The following PPARGC1A variants were observed in gnomAD, a reference collection of about 807,000 sequenced individuals.
PPARGC1A encodes the protein peroxisome proliferator-activated receptor gamma coactivator 1-alpha.
In PPARGC1A, 25 loss-of-function variants were observed where a neutral mutation model predicts 88.7. The observed-to-expected ratio is 0.28, with a 90% CI of 0.21 to 0.39. The LOEUF is 0.39. PPARGC1A is among the 10% of genes least tolerant of loss of function. The pLI is 1.00. For synonymous variants in PPARGC1A, 363 were observed against 355.6 expected, an observed-to-expected ratio of 1.02 and a Z score of -0.24; for missense variants, 880 against 968.7, an observed-to-expected ratio of 0.91 and a Z score of 1.22.
At chr4:24,147,455 C>T in the PPARGC1A span, among the ~76,000 whole-genome samples, 4 of 152,152 alleles carry the variant, frequency 2.6e-5, no homozygotes, top group Non-Finnish European at 5.9e-5. Context: ...CTTTCCCACT[C>T]GGCTGTACCG....
the PPARGC1A span, among the ~76,000 whole-genome samples, chr4:23,929,983 T>C: frequency 6.6e-6 from 1 of 152,158 alleles, no homozygotes; most frequent in Non-Finnish European, 1.5e-5. Flanking sequence ...CCTCAAAACA[T>C]GGCTGATATT....
the PPARGC1A span, among the ~76,000 whole-genome samples, chr4:24,178,035 C>T: frequency 6.6e-6 from 1 of 152,324 alleles, no homozygotes; most frequent in Non-Finnish European, 1.5e-5. Flanking sequence ...CTTAAATCGC[C>T]TCCACAGGAA....
At chr4:24,411,314 T>A in the PPARGC1A span, among the ~76,000 whole-genome samples, 2 of 152,252 alleles carry the variant, frequency 1.3e-5, no homozygotes, top group African/African-American at 4.8e-5. Flanking sequence ...TCTGCAGCAC[T>A]GCTGTGAGTT....
At chr4:24,235,186 G>A in the PPARGC1A span, among the ~76,000 whole-genome samples, 1 of 152,148 alleles carries the variant, frequency 6.6e-6, no homozygotes, top group Non-Finnish European at 1.5e-5. Context: ...AAATCCTAGG[G>A]GGGTGGTGAC....
chr4:23,806,786 A>G (rs1719889354), intron 10 of PPARGC1A, among the ~76,000 whole-genome samples: 2 of 152,326 alleles, frequency 1.3e-5, no homozygotes, highest in South Asian at 2.1e-4. Flanking sequence ...AGAGCTTCCC[A>G]GTTACTGGAG....
the PPARGC1A span, among the ~76,000 whole-genome samples, chr4:24,452,822 G>T: frequency 2.6e-5 from 4 of 152,174 alleles, no homozygotes; most frequent in Middle Eastern, 3.4e-3. Flanking sequence ...CCCAACAAAG[G>T]GCCTGGGATT....
the PPARGC1A span, among the ~76,000 whole-genome samples, chr4:24,137,113 CAAAAAAAA>C: frequency 1.2e-5 from 1 of 82,110 alleles, no homozygotes; most frequent in Non-Finnish European, 2.6e-5. Flanking sequence ...GACTCTGTCT[CAAAAAAAA>C]AAAAAAAAAA....
chr4:23,824,935 C>T (rs1723670599), intron 5 of PPARGC1A, among the ~76,000 whole-genome samples: 1 of 151,996 alleles, frequency 6.6e-6, no homozygotes, highest in African/African-American at 2.4e-5. Context: ...TATATCTAGC[C>T]CTGATAATAG....
the PPARGC1A span, among the ~76,000 whole-genome samples, chr4:24,175,259 G>C: frequency 6.6e-6 from 1 of 151,882 alleles, no homozygotes; most frequent in Non-Finnish European, 1.5e-5. Context: ...ACCCTGGGAG[G>C]CATGATGGCC....
At chr4:24,424,520 C>T in the PPARGC1A span, among the ~76,000 whole-genome samples, 1 of 152,074 alleles carries the variant, frequency 6.6e-6, no homozygotes, top group Non-Finnish European at 1.5e-5. Flanking sequence ...CATTATCCTC[C>T]CACCTCTGCC....
chr4:23,842,045 G>C (rs1169402953), intron 2 of PPARGC1A, among the ~76,000 whole-genome samples: 1 of 152,020 alleles, frequency 6.6e-6, no homozygotes, highest in Non-Finnish European at 1.5e-5. Flanking sequence ...TATATTTTGG[G>C]ATTTTATGGA....
the PPARGC1A span, among the ~76,000 whole-genome samples, chr4:24,244,897 A>G: frequency 6.6e-6 from 1 of 152,240 alleles, no homozygotes; most frequent in Non-Finnish European, 1.5e-5. Flanking sequence ...TCTATATTGA[A>G]AAGGGGAACA....
chr4:24,388,239 T>C, the PPARGC1A span, among the ~76,000 whole-genome samples: 1 of 151,724 alleles, frequency 6.6e-6, no homozygotes, highest in East Asian at 1.9e-4. Context: ...AAAAAGCTCA[T>C]TAGAGAAATG....
the PPARGC1A span, among the ~76,000 whole-genome samples, chr4:23,909,860 T>A: frequency 6.6e-6 from 1 of 151,504 alleles, no homozygotes; most frequent in Non-Finnish European, 1.5e-5. Flanking sequence ...TAAAAAGTCC[T>A]AGTGACAAAT....
At chr4:24,076,257 A>G in the PPARGC1A span, among the ~76,000 whole-genome samples, 658 of 152,228 alleles carry the variant, frequency 4.3e-3, 20 homozygotes, top group East Asian at 0.08. Flanking sequence ...CAGATGAGAA[A>G]ACCAAAGCTT....
the PPARGC1A span, among the ~76,000 whole-genome samples, chr4:24,307,912 G>A: frequency 1.3e-5 from 2 of 152,108 alleles, no homozygotes; most frequent in Non-Finnish European, 2.9e-5. Flanking sequence ...ATGGACCCTT[G>A]CTCCAAAGCC....
the PPARGC1A span, among the ~76,000 whole-genome samples, chr4:24,315,940 A>G: frequency 1.3e-5 from 2 of 152,196 alleles, no homozygotes; most frequent in Non-Finnish European, 2.9e-5. Flanking sequence ...TTCATAAAGG[A>G]TAGTTCCTAT....
At chr4:23,857,046 A>AT (rs1730303405) in intron 2 of PPARGC1A, among the ~76,000 whole-genome samples, 1 of 152,110 alleles carries the variant, frequency 6.6e-6, no homozygotes, top group Non-Finnish European at 1.5e-5. Flanking sequence ...TATTATTTGA[A>AT]AACTTAAAAA....
the PPARGC1A span, among the ~76,000 whole-genome samples, chr4:23,955,687 C>T: frequency 6.6e-6 from 1 of 152,010 alleles, no homozygotes; most frequent in Admixed American, 6.6e-5. Flanking sequence ...TCATATTGAG[C>T]ACTTATTATG....
Sources: allele counts gnomAD v4.1 joint callset (sites outside exome capture counted in the v4.1 genomes callset), GRCh38; gene constraint gnomAD v4.1.1; transcripts MANE v1.5; gene names NCBI Gene and HGNC (gene_info 2026-07-23, HGNC 2026-07-21).